Variants in CSGALNACT1 observed in about 807,000 individuals in gnomAD.
The protein encoded by CSGALNACT1 is beta4GalNAcT-1.
A neutral mutation model predicts 51.0 loss-of-function variants in CSGALNACT1; 52 were observed. The ratio of observed to expected loss-of-function variants is 1.02; its 90% confidence interval spans 0.82 to 1.29. CSGALNACT1 has a LOEUF of 1.29. Ranked by LOEUF, CSGALNACT1 falls within the 50% of genes most tolerant of loss-of-function variation. The pLI is 0.00. For synonymous variants in CSGALNACT1, 341 were observed against 254.4 expected (o/e 1.34, Z -3.24); for missense variants, 935 against 679.2 (o/e 1.38, Z -4.19).
At chr8:19,427,995 C>A (rs1242545421) in intron 6 of CSGALNACT1, among the ~76,000 whole-genome samples, 1 of 152,030 alleles carries the variant, frequency 6.6e-6, no homozygotes, top group Non-Finnish European at 1.5e-5. Context: ...AGAACCTGGG[C>A]AGAGGCTCAA....
chr8:19,578,136 A>C (rs932778366), intron 3 of CSGALNACT1, among the ~76,000 whole-genome samples: 3 of 152,220 alleles, frequency 2.0e-5, no homozygotes, highest in Non-Finnish European at 4.4e-5. Context: ...TCCCTGAGGC[A>C]TAAGGTAACA....
intron 3 of CSGALNACT1, among the ~76,000 whole-genome samples, chr8:19,506,703 G>C (rs1255399528): frequency 6.6e-6 from 1 of 152,090 alleles, no homozygotes; most frequent in South Asian, 2.1e-4. Flanking sequence ...AGAACTCCTT[G>C]TTGAAAAGAG....
At chr8:19,697,048 T>C (rs1356353978) in intron 1 of CSGALNACT1, among the ~76,000 whole-genome samples, 3 of 152,170 alleles carry the variant, frequency 2.0e-5, no homozygotes, top group Admixed American at 6.5e-5. Context: ...GTGCCATCCA[T>C]AGGAATTTCT....
intron 1 of CSGALNACT1, among the ~76,000 whole-genome samples, chr8:19,714,343 T>TG (rs35817182): frequency 0.38 from 57,177 of 151,590 alleles, 11,606 homozygotes; most frequent in East Asian, 0.65. Context: ...ATGTTTTTTT[T>TG]TTGTTGTAAT....
At chr8:19,627,287 A>G (rs59244617) in intron 1 of CSGALNACT1, among the ~76,000 whole-genome samples, 17,190 of 152,158 alleles carry the variant, frequency 0.11, 1,223 homozygotes, top group African/African-American at 0.21. Flanking sequence ...AAAAAGATCA[A>G]TCTCCAAAGT....
At chr8:19,524,930 G>C (rs1313807496) in intron 3 of CSGALNACT1, among the ~76,000 whole-genome samples, 3 of 152,188 alleles carry the variant, frequency 2.0e-5, no homozygotes, top group African/African-American at 4.8e-5. Context: ...CACAGAGAGA[G>C]AGAGACAGAG....
At chr8:19,674,201 G>A (rs1320198648) in intron 1 of CSGALNACT1, among the ~76,000 whole-genome samples, 1 of 152,170 alleles carries the variant, frequency 6.6e-6, no homozygotes, top group Non-Finnish European at 1.5e-5. Flanking sequence ...GCTGAGGCAG[G>A]AGAATTGTTC....
chr8:19,513,434 C>CTATATATATATATATA (rs1353825526), intron 3 of CSGALNACT1, among the ~76,000 whole-genome samples: 63 of 66,526 alleles, frequency 9.5e-4, no homozygotes, highest in East Asian at 1.8e-3. Context: ...CTCTCTCTCT[C>CTATATATATATATATA]TCTATATATA....
intron 1 of CSGALNACT1, among the ~76,000 whole-genome samples, chr8:19,691,423 A>G (rs1256291454): frequency 6.6e-6 from 1 of 152,206 alleles, no homozygotes; most frequent in Non-Finnish European, 1.5e-5. Flanking sequence ...CCAATTTCTT[A>G]AAACAAACAA....
intron 1 of CSGALNACT1, among the ~76,000 whole-genome samples, chr8:19,717,109 G>C (rs528342257): frequency 1.3e-5 from 2 of 152,332 alleles, no homozygotes; most frequent in South Asian, 2.1e-4. Flanking sequence ...CACTATGCAG[G>C]TGTTAGTTTC....
At chr8:19,705,421 C>T (rs377579311) in intron 1 of CSGALNACT1, among the ~76,000 whole-genome samples, 3 of 152,144 alleles carry the variant, frequency 2.0e-5, no homozygotes, top group African/African-American at 7.2e-5. Context: ...AAGGAAAAAG[C>T]TCATCATTTG....
chr8:19,649,395 A>G (rs556509585), intron 1 of CSGALNACT1, among the ~76,000 whole-genome samples: 1 of 152,334 alleles, frequency 6.6e-6, no homozygotes, highest in Non-Finnish European at 1.5e-5. Flanking sequence ...TATTCTATAC[A>G]TGAGCGTGAT....
chr8:19,556,607 A>G (rs970727136), intron 3 of CSGALNACT1, among the ~76,000 whole-genome samples: 1 of 152,212 alleles, frequency 6.6e-6, no homozygotes, highest in African/African-American at 2.4e-5. Context: ...GAGTTGGCAC[A>G]ATCAGAACAC....
chr8:19,576,798 C>T (rs2044326368), intron 3 of CSGALNACT1, among the ~76,000 whole-genome samples: 1 of 152,064 alleles, frequency 6.6e-6, no homozygotes, highest in Non-Finnish European at 1.5e-5. Flanking sequence ...TGAGTGGGGT[C>T]CTACTAGTGT....
At chr8:19,666,827 GAGAGAGAAAGAA>G (rs1309570465) in intron 1 of CSGALNACT1, among the ~76,000 whole-genome samples, 1,356 of 39,804 alleles carry the variant, frequency 0.034, 38 homozygotes, top group Non-Finnish European at 0.048. Flanking sequence ...GAGAGAGAGA[GAGAGAGAAAGAA>G]AGAAAGAAAG....
intron 3 of CSGALNACT1, among the ~76,000 whole-genome samples, chr8:19,509,664 C>T (rs1471024562): frequency 6.7e-6 from 1 of 149,964 alleles, no homozygotes; most frequent in Non-Finnish European, 1.5e-5. Context: ...GTCACCACCT[C>T]TGCCACCTTC....
At chr8:19,727,933 A>G (rs899869507) in intron 1 of CSGALNACT1, among the ~76,000 whole-genome samples, 2 of 152,130 alleles carry the variant, frequency 1.3e-5, no homozygotes, top group Non-Finnish European at 2.9e-5. Context: ...AACAACTAAA[A>G]TTATTGCTGA....
At chr8:19,738,579 A>C (rs2064127449) in intron 1 of CSGALNACT1, among the ~76,000 whole-genome samples, 1 of 152,230 alleles carries the variant, frequency 6.6e-6, no homozygotes, top group Admixed American at 6.5e-5. Context: ...AACAACATGA[A>C]TGCACTTAAT....
At chr8:19,714,166 C>T (rs1176318483) in intron 1 of CSGALNACT1, among the ~76,000 whole-genome samples, 1 of 152,202 alleles carries the variant, frequency 6.6e-6, no homozygotes, top group Non-Finnish European at 1.5e-5. Context: ...CTGTTGATCT[C>T]TTGCTCCAAT....
Sources: allele counts gnomAD v4.1 joint callset (sites outside exome capture counted in the v4.1 genomes callset), GRCh38; gene constraint gnomAD v4.1.1; transcripts MANE v1.5; gene names NCBI Gene and HGNC (gene_info 2026-07-23, HGNC 2026-07-21).